Variants in SLC25A16 observed in about 807,000 individuals in gnomAD.
The protein encoded by SLC25A16 is mitochondrial coenzyme A transporter SLC25A16.
A neutral mutation model predicts 41.5 loss-of-function variants in SLC25A16; 39 were observed. That is an observed-to-expected ratio of 0.94 (90% CI 0.73 to 1.23). SLC25A16 has a LOEUF of 1.23. Ranked by LOEUF, SLC25A16 falls within the 50% of genes most tolerant of loss-of-function variation. The probability of loss-of-function intolerance (pLI) is 0.00; values close to 1 mark genes in which losing one functional copy is unlikely to be tolerated. For synonymous variants in SLC25A16, 146 were observed against 147.8 expected (o/e 0.99, Z 0.09); for missense variants, 421 against 426.9 (o/e 0.99, Z 0.12).
At chr10:68,490,821 G>C (rs2052644832) in intron 6 of SLC25A16, among the ~76,000 whole-genome samples, 1 of 151,838 alleles carries the variant, frequency 6.6e-6, no homozygotes, top group Admixed American at 6.6e-5. Context: ...ATCCATAAAA[G>C]AATAGATTGA....
intron 4 of SLC25A16, among the ~76,000 whole-genome samples, chr10:68,501,920 C>T (rs983139962): frequency 1.3e-5 from 2 of 152,054 alleles, no homozygotes; most frequent in Admixed American, 6.6e-5. Flanking sequence ...TGACTAGGGC[C>T]GGGCACGGTG....
chr10:68,522,303 T>C (rs751684919), intron 1 of SLC25A16, among the ~76,000 whole-genome samples: 1 of 152,182 alleles, frequency 6.6e-6, no homozygotes, highest in African/African-American at 2.4e-5. Context: ...TATAATATTC[T>C]GGAAAAGTCA....
At chr10:68,485,336 C>T (rs896810588) in intron 8 of SLC25A16, among the ~76,000 whole-genome samples, 2 of 152,052 alleles carry the variant, frequency 1.3e-5, no homozygotes, top group Non-Finnish European at 2.9e-5. Context: ...GTGATCCTCC[C>T]GCGTCAGCCT....
At position 68,478,061 on chromosome 10, in the gene SLC25A16, T is replaced by C. The variant is rs1336453986; in HGVS notation, c.*5371A>G. On this transcript the variant is annotated 3_prime_UTR_variant, in exon 9 of 9. Coordinates refer to ENST00000609923, the MANE Select transcript of SLC25A16 (RefSeq NM_152707.4). ...TTTAATGACATGTTACAGTTTCATT[T>C]GAACAGTGTATTACTGTATTAAAGT... The C allele has an allele frequency of 2.0e-5, 3 of 152,206 alleles. No homozygotes were observed. The highest frequency in any genetic ancestry group is 7.2e-5 in the African/African-American group (3 of 41,462). 9.4% of individuals were successfully genotyped at this position (152,206 alleles called of 1,614,324 possible).
rs796122623 is a variant in SLC25A16, at chr10:68,512,563, C to T, written c.223+4188G>A. 3.1e-4 allele frequency among the ~76,000 whole-genome samples: 26 copies of T among 84,372 alleles called. 4 individuals carry two copies. Among genetic ancestry groups the T allele is most frequent in the African/African-American group, 1.1e-3 (20 of 17,736 alleles). 55.4% of individuals were successfully genotyped at this position (84,372 alleles called of 152,430 possible). A position where few individuals can be genotyped will look rare whatever the true frequency, so the allele number is the denominator to read the frequency against. ...CTGAGGCAGGAGAATGGCGTGAACC[C>T]GGGAGGCGGAGCTTGCAGTGAGCCG... On this transcript the variant is annotated intron_variant, in intron 2 of 8. Transcript: ENST00000609923.
chr10:68,514,180 G>C (rs2795889), intron 2 of SLC25A16, among the ~76,000 whole-genome samples: 7,832 of 152,112 alleles, frequency 0.051, 237 homozygotes, highest in South Asian at 0.09. Flanking sequence ...GGGCGACAGA[G>C]CAAGACTTTG....
intron 4 of SLC25A16, chr10:68,499,481 C>A: frequency 1.2e-5 from 2 of 165,290 alleles, no homozygotes; most frequent in Non-Finnish European, 1.3e-5. Context: ...CTTAAAAATA[C>A]AAACCCTTCT....
In SLC25A16 at chr10:68,479,434, G is replaced by A. The variant is rs554692871; in HGVS notation, c.*3998C>T. 1 of 151,920 alleles carries A rather than the reference G, an allele frequency of 6.6e-6. No homozygotes were observed. The highest frequency in any genetic ancestry group is 1.5e-5 in the Non-Finnish European group (1 of 68,052). 9.4% of individuals were successfully genotyped at this position (151,920 alleles called of 1,614,324 possible). On this transcript the variant is annotated 3_prime_UTR_variant, in exon 9 of 9. Transcript: ENST00000609923. Reference sequence around the variant, plus strand: ...CAAGTACAGCTAACAAGCCTCCCAAGGGAAGTCCTCCATAATGCTGACACA... The same window carrying A: ...CAAGTACAGCTAACAAGCCTCCCAAAGGAAGTCCTCCATAATGCTGACACA...
intron 8 of SLC25A16, among the ~76,000 whole-genome samples, chr10:68,485,420 T>G (rs979459428): frequency 2.0e-5 from 3 of 152,056 alleles, no homozygotes; most frequent in Admixed American, 1.3e-4. Flanking sequence ...AGTCTCGCTC[T>G]GTCGCCCAGG....
At chr10:68,487,018 C>A in intron 8 of SLC25A16, 126 bp downstream of exon 8, 5 of 491,186 alleles carry the variant, frequency 1.0e-5, no homozygotes, top group Non-Finnish European at 1.1e-5. Flanking sequence ...TATAAAGTTA[C>A]CAAAATAAAC....
chr10:68,487,010 T>A, intron 8 of SLC25A16, 134 bp downstream of exon 8: 3 of 493,492 alleles, frequency 6.1e-6, no homozygotes, highest in Non-Finnish European at 7.3e-6. Context: ...TGTAATCTTA[T>A]AAAGTTACCA....
chr10:68,520,748 G>A (rs1286512507), intron 1 of SLC25A16, among the ~76,000 whole-genome samples: 2 of 148,274 alleles, frequency 1.3e-5, no homozygotes, highest in Admixed American at 6.9e-5. Context: ...GGAGGCAGAG[G>A]TTGCAGTGAT....
intron 1 of SLC25A16, among the ~76,000 whole-genome samples, chr10:68,519,948 TC>T (rs1247607186): frequency 6.7e-6 from 1 of 150,016 alleles, no homozygotes; most frequent in Admixed American, 6.8e-5. Flanking sequence ...TAGAATGTAT[TC>T]AATAAGTACT....
In SLC25A16 at chr10:68,493,243, T is replaced by A. The variant is rs373496253; in HGVS notation, c.544-45A>T. The stretch of plus-strand genomic sequence containing the variant: ...TGCAAGTGAGATTACATTGTGCTCA[T>A]TATCATAAACATCAAAGAAAAAATC... On this transcript the variant is annotated intron_variant, in intron 5 of 8. Coordinates refer to ENST00000609923, the MANE Select transcript of SLC25A16 (RefSeq NM_152707.4). The A allele has an allele frequency of 2.0e-5, 27 of 1,358,202 alleles. No homozygotes were observed. The African/African-American group carries it at 4.0e-4, about 20-fold the overall frequency. 84.1% of individuals were successfully genotyped at this position (1,358,202 alleles called of 1,614,324 possible).
intron 8 of SLC25A16, among the ~76,000 whole-genome samples, chr10:68,486,518 C>T (rs566785545): frequency 3.5e-4 from 53 of 151,770 alleles, no homozygotes; most frequent in Non-Finnish European, 5.9e-4. Context: ...GGATTACAGG[C>T]GCCCGACACC....
chr10:68,493,851 T>A (rs181751503), intron 4 of SLC25A16, among the ~76,000 whole-genome samples: 99 of 152,084 alleles, frequency 6.5e-4, no homozygotes, highest in African/African-American at 1.8e-3. Flanking sequence ...GAGATTTTTT[T>A]AAAAAAAATT....
At chr10:68,493,320 G>A in intron 5 of SLC25A16, 122 bp from the exon 6 acceptor site, 1 of 1,114,074 alleles carries the variant, frequency 9.0e-7, no homozygotes, top group East Asian at 2.4e-5. Flanking sequence ...ACACAAAGAT[G>A]TGTTTTCGTA....
rs370464564 is a variant in SLC25A16 at position 68,516,809 on chromosome 10, A to T, written c.165T>A (p.Ala55=). 1.7e-4 allele frequency: 274 copies of T among 1,613,424 alleles called. No homozygotes were observed. The highest frequency in any genetic ancestry group is 2.2e-4 in the Non-Finnish European group (263 of 1,179,720). The change falls in exon 2 of 9, where the codon GCT becomes GCA. Residue 55 remains alanine (A), a synonymous_variant. Transcript: ENST00000609923. ...IAGCCAKTTV[A]PLDRVKVLLQ... is the part of the protein sequence containing the mutation. ...ATAAAACCTTTACTCGATCCAATGG[A>T]GCAACTGTTGTTTTGGCACAGCATC...
intron 4 of SLC25A16, chr10:68,499,958 G>A: frequency 5.6e-6 from 3 of 539,096 alleles, no homozygotes; most frequent in Non-Finnish European, 1.0e-5. Flanking sequence ...ATTGAGAAGA[G>A]GCAGGAATAA....
Sources: gnomAD v4.1 joint callset for allele counts (sites outside exome capture counted in the v4.1 genomes callset) on GRCh38, gnomAD v4.1.1 for gene constraint, MANE v1.5 for transcripts, NCBI Gene and HGNC (gene_info 2026-07-23, HGNC 2026-07-21) for gene names.